Variants in SYAP1 observed in about 807,000 individuals in gnomAD.
SYAP1 encodes the protein synapse-associated protein 1.
SYAP1 carries 3 observed loss-of-function variants against 29.6 expected under a neutral mutation model. The ratio of observed to expected loss-of-function variants is 0.10; its 90% CI spans 0.05 to 0.26. SYAP1 has a LOEUF of 0.26. Ranked by LOEUF, SYAP1 falls within the 10% of genes least tolerant of loss-of-function variation. The pLI, the probability that SYAP1 is intolerant of heterozygous loss-of-function variation, is 1.00. For synonymous variants in SYAP1, 102 were observed against 102.7 expected, an observed-to-expected ratio of 0.99 and a Z score of 0.04; for missense variants, 217 against 264.1, an observed-to-expected ratio of 0.82 and a Z score of 1.24.
At chrX:16,742,263 T>C (rs1926481391) in intron 4 of SYAP1, among the ~76,000 whole-genome samples, 1 of 107,326 alleles carries the variant, frequency 9.3e-6, no homozygotes, top group South Asian at 4.2e-4. Flanking sequence ...GCGATTCTCT[T>C]GCCTCAGCCT....
At chrX:16,753,675 A>G (rs1043632119) in intron 5 of SYAP1, among the ~76,000 whole-genome samples, 1 of 110,896 alleles carries the variant, frequency 9.0e-6, no homozygotes, top group African/African-American at 3.3e-5. Context: ...ACTGCTCTGC[A>G]TGCTCTCAGT....
At chrX:16,736,528 G>A (rs1046506772) in intron 3 of SYAP1, 5 of 198,379 alleles carry the variant, frequency 2.5e-5, no homozygotes, top group African/African-American at 2.9e-5. Flanking sequence ...CACCGAGATG[G>A]AGTCTTGCTC....
intron 5 of SYAP1, among the ~76,000 whole-genome samples, chrX:16,746,359 C>T (rs750222898): frequency 4.3e-4 from 46 of 107,378 alleles, no homozygotes; most frequent in African/African-American, 1.4e-3. Flanking sequence ...GCCTCAGCTT[C>T]CCGAGTAGCT....
chrX:16,724,082 G>C (rs184230545), intron 1 of SYAP1, among the ~76,000 whole-genome samples: 1 of 112,467 alleles, frequency 8.9e-6, no homozygotes, highest in African/African-American at 3.2e-5. Flanking sequence ...AGACTTATGG[G>C]ACTCAGCATA....
rs1221529621 is a variant in SYAP1, at chrX:16,765,042, G to GC, written c.*4683_*4684insC. ...GATATGGTTTATAATCAGTTTTATTGTGGGGAAGATGGGCCATTTTAATGA... is the reference window on the plus strand; with the variant it reads ...GATATGGTTTATAATCAGTTTTATTGCTGGGGAAGATGGGCCATTTTAATGA... On this transcript the variant is annotated 3_prime_UTR_variant, in exon 9 of 9. Coordinates refer to ENST00000380155, the MANE Select transcript of SYAP1 (RefSeq NM_032796.4). The GC allele has an allele frequency of 8.9e-6, 1 of 111,995 alleles. No individual in the cohort carries two copies. Among genetic ancestry groups the GC allele is most frequent in the Non-Finnish European group, 1.9e-5 (1 of 53,245 alleles). 9.2% of individuals were successfully genotyped at this position (111,995 alleles called of 1,213,427 possible).
In SYAP1 at chrX:16,765,065, T is replaced by C. The variant is rs2147443527; in HGVS notation, c.*4706T>C. The C allele has an allele frequency of 8.9e-6, 1 of 112,238 alleles. No homozygotes were observed. Among genetic ancestry groups the C allele is most frequent in the South Asian group, 3.6e-4 (1 of 2,742 alleles). 9.2% of individuals were successfully genotyped at this position (112,238 alleles called of 1,213,427 possible). A position where few individuals can be genotyped will look rare whatever the true frequency, so the allele number is the denominator to read the frequency against. ...TTGTGGGGAAGATGGGCCATTTTAA[T>C]GAATGATTATTTCTATTGGCTAAAC... On this transcript the variant is annotated 3_prime_UTR_variant, in exon 9 of 9. Transcript: ENST00000380155.
At chrX:16,758,555 C>T (rs1461698378) in intron 8 of SYAP1, among the ~76,000 whole-genome samples, 3 of 110,632 alleles carry the variant, frequency 2.7e-5, no homozygotes, top group Non-Finnish European at 3.8e-5. Flanking sequence ...AGGCTGGTCT[C>T]GAACTCCTGG....
intron 5 of SYAP1, among the ~76,000 whole-genome samples, chrX:16,752,790 G>C (rs1441338456): frequency 9.0e-6 from 1 of 111,294 alleles, no homozygotes; most frequent in African/African-American, 3.3e-5. Context: ...GTGTTTGCCA[G>C]GTTTCTTGAC....
At chrX:16,720,074 G>A (rs1312130330) in intron 1 of SYAP1, among the ~76,000 whole-genome samples, 175 bp downstream of exon 1, 1 of 111,677 alleles carries the variant, frequency 9.0e-6, no homozygotes, top group Non-Finnish European at 1.9e-5. Context: ...GTGAGGATCT[G>A]GACGAGGCCA....
At chrX:16,734,821 C>T (rs1348844359) in intron 1 of SYAP1, among the ~76,000 whole-genome samples, 2 of 108,675 alleles carry the variant, frequency 1.8e-5, no homozygotes, top group African/African-American at 3.4e-5. Context: ...CATGGTGAAA[C>T]TCTGTCTCTA....
chrX:16,761,202 T>A lies in SYAP1; in HGVS notation c.*843T>A, dbSNP rs1373158500. 1 of 76,698 alleles carries A rather than the reference T, an allele frequency of 1.3e-5. No homozygotes were observed. The highest frequency in any genetic ancestry group is 2.5e-5 in the Non-Finnish European group (1 of 40,404). The allele number at this position is 76,698 out of a possible 1,213,427, so 6.3% of individuals were successfully genotyped here. On this transcript the variant is annotated 3_prime_UTR_variant, in exon 9 of 9. Coordinates refer to ENST00000380155, the MANE Select transcript of SYAP1 (RefSeq NM_032796.4). The stretch of plus-strand genomic sequence containing the variant: ...CTCCAGCCTGGGTGATAGAGTGAGA[T>A]TCAGTCTCAAAAAAAAAAAAAAAAA...
At chrX:16,734,986 G>C (rs1490903903) in intron 1 of SYAP1, among the ~76,000 whole-genome samples, 1 of 84,254 alleles carries the variant, frequency 1.2e-5, no homozygotes, top group East Asian at 3.7e-4. Context: ...GTGACAGGGC[G>C]AGACTGTCTC....
At chrX:16,755,208 C>A in intron 6 of SYAP1, 115 bp downstream of exon 6, 1 of 767,517 alleles carries the variant, frequency 1.3e-6, no homozygotes, top group Non-Finnish European at 1.9e-6. Flanking sequence ...AAATTCTTTT[C>A]TTCCCAGAGG....
At chrX:16,748,760 C>T (rs867522614) in intron 5 of SYAP1, among the ~76,000 whole-genome samples, 24 of 93,909 alleles carry the variant, frequency 2.6e-4, no homozygotes, top group African/African-American at 4.7e-4. Context: ...TTTTTTTTTT[C>T]TTTTTTTTTT....
rs375899325 is a variant in SYAP1 at position 16,729,422 on chromosome X, G to A, written c.176-5805G>A. 1.5e-3 allele frequency among the ~76,000 whole-genome samples: 164 copies of A among 109,825 alleles called. 2 individuals carry two copies. The highest frequency in any genetic ancestry group is 9.3e-3 in the Middle Eastern group (2 of 215). ...TCTTTTATAACCCTTTATAATTTTC[G>A]TTGAAGAGCAGGTTAGTGCTTTCAA... is the stretch of plus-strand genomic sequence containing the variant. On this transcript the variant is annotated intron_variant, in intron 1 of 8. Coordinates refer to ENST00000380155, the MANE Select transcript of SYAP1 (RefSeq NM_032796.4).
At chrX:16,735,442 A>C in intron 2 of SYAP1, 97 bp downstream of exon 2, 1 of 574,350 alleles carries the variant, frequency 1.7e-6, no homozygotes, top group South Asian at 3.3e-5. Flanking sequence ...ACCTAAGTAG[A>C]ATATCATATT....
At chrX:16,745,734 C>G (rs998776651) in intron 5 of SYAP1, among the ~76,000 whole-genome samples, 2 of 100,721 alleles carry the variant, frequency 2.0e-5, no homozygotes, top group African/African-American at 7.3e-5. Flanking sequence ...GAGACTCTGT[C>G]TCCAAAAAAA....
At chrX:16,723,366 G>A (rs1456221967) in intron 1 of SYAP1, among the ~76,000 whole-genome samples, 3 of 112,117 alleles carry the variant, frequency 2.7e-5, no homozygotes, top group Non-Finnish European at 5.6e-5. Context: ...TGGGGATCTC[G>A]ATTTGAAGAA....
At chrX:16,757,108 T>C in intron 7 of SYAP1, 54 bp from the exon 8 acceptor site, 1 of 1,182,460 alleles carries the variant, frequency 8.5e-7, no homozygotes, top group Non-Finnish European at 1.1e-6. Context: ...CAAACCAGAA[T>C]AACACAAATG....
Sources: allele counts gnomAD v4.1 joint callset (sites outside exome capture counted in the v4.1 genomes callset), GRCh38; gene constraint gnomAD v4.1.1; transcripts MANE v1.5; gene names NCBI Gene and HGNC (gene_info 2026-07-23, HGNC 2026-07-21).